The following CNOT1 variants were observed in gnomAD, a reference collection of about 807,000 sequenced individuals.
CNOT1 encodes the protein CCR4-NOT transcription complex subunit 1, also known as CCR4-associated factor 1.
CNOT1 carries 15 observed loss-of-function variants against 273.8 expected under a neutral mutation model. The ratio of observed to expected loss-of-function variants is 0.05; its 90% CI spans 0.04 to 0.08. CNOT1 has a LOEUF of 0.08. Ranked by LOEUF, CNOT1 falls within the 10% of genes least tolerant of loss-of-function variation. The probability of loss-of-function intolerance (pLI) is 1.00; values close to 1 mark genes in which losing one functional copy is unlikely to be tolerated. For missense variants in CNOT1, 1,644 were observed against 2,912.2 expected, an observed-to-expected ratio of 0.56 and a Z score of 10.02; for synonymous variants, 1,022 against 1,005.5, an observed-to-expected ratio of 1.02 and a Z score of -0.31.
intron 35 of CNOT1, among the ~76,000 whole-genome samples, chr16:58,539,480 C>CACACACAG (rs1555494956): frequency 1.3e-5 from 2 of 148,584 alleles, no homozygotes; most frequent in Non-Finnish European, 1.5e-5. Flanking sequence ...CACACACACA[C>CACACACAG]ACACACACAC....
rs1207899487 is a variant in CNOT1 at position 58,547,961 on chromosome 16, C to G, written c.3523-279G>C. Among the ~76,000 whole-genome samples, 1 of 152,130 alleles carries G rather than the reference C, an allele frequency of 6.6e-6. No homozygotes were observed. The highest frequency in any genetic ancestry group is 1.5e-5 in the Non-Finnish European group (1 of 68,016). ...TTCAAAAAGAACACAAAGTTATGTGCCAGCTATCCTCCCCTAGAAAAGTAT... is the reference window on the plus strand; with the variant it reads ...TTCAAAAAGAACACAAAGTTATGTGGCAGCTATCCTCCCCTAGAAAAGTAT... On this transcript the variant is annotated intron_variant, in intron 25 of 48. Coordinates refer to ENST00000317147, the MANE Select transcript of CNOT1 (RefSeq NM_016284.5). This position sits in a 1 kb window ranked among gnomAD's most constrained non-coding sequence, Gnocchi z 4.0.
rs1231565480 is a variant in CNOT1 at position 58,525,813 on chromosome 16, G to A, written c.6603+176C>T. 2.0e-5 allele frequency among the ~76,000 whole-genome samples: 3 copies of A among 152,298 alleles called. No homozygotes were observed. In the East Asian group the frequency reaches 5.8e-4, roughly 29 times the overall value. On this transcript the variant is annotated intron_variant, in intron 45 of 48. Transcript: ENST00000317147. ...TAGTGCTGTCTTGTCCAAAGCTGTA[G>A]CAAAATATCACTGATTAAATGAACT... is the stretch of plus-strand genomic sequence containing the variant.
intron 8 of CNOT1, 70 bp from the exon 9 acceptor site, chr16:58,583,252 A>G: frequency 6.3e-7 from 1 of 1,585,164 alleles, no homozygotes; most frequent in Non-Finnish European, 8.6e-7. Flanking sequence ...TTCTGGCATT[A>G]AATGAACCTT....
intron 17 of CNOT1, among the ~76,000 whole-genome samples, chr16:58,559,640 C>T (rs2040762146): frequency 6.6e-6 from 1 of 152,164 alleles, no homozygotes; most frequent in South Asian, 2.1e-4. Flanking sequence ...TAGAAAATGA[C>T]AAGCAAATGC....
intron 17 of CNOT1, chr16:58,559,778 G>A: frequency 2.0e-6 from 1 of 508,016 alleles, no homozygotes. Context: ...GGGGGTGGTT[G>A]ATGTCAGGGA....
intron 16 of CNOT1, among the ~76,000 whole-genome samples, chr16:58,562,374 C>G (rs977688850): frequency 6.6e-6 from 1 of 151,634 alleles, no homozygotes; most frequent in African/African-American, 2.4e-5. Context: ...TGTGGTGGCA[C>G]ATGCCTGTAG....
At chr16:58,600,438 G>T (rs571829993) in intron 1 of CNOT1, among the ~76,000 whole-genome samples, 2 of 152,266 alleles carry the variant, frequency 1.3e-5, no homozygotes, top group African/African-American at 4.8e-5. Context: ...ATACCCTTTG[G>T]AAGCAGCAAG....
intron 16 of CNOT1, among the ~76,000 whole-genome samples, chr16:58,563,067 T>C (rs1597465398): frequency 6.6e-6 from 1 of 152,112 alleles, no homozygotes; most frequent in Admixed American, 6.5e-5. Context: ...AAAATAACAA[T>C]AGTCTGAACA....
At position 58,520,903 on chromosome 16, in the gene CNOT1, A is replaced by G; in HGVS notation, c.*55T>C. On this transcript the variant is annotated 3_prime_UTR_variant, in exon 49 of 49. Transcript: ENST00000317147. ...GAAAGGATTCTTCAGTCAGTTTATG[A>G]ACTCGGTGCAGTGAGACCTCTAGAC... The G allele has an allele frequency of 6.4e-7, 1 of 1,551,684 alleles. No homozygotes were observed.
In CNOT1 at chr16:58,580,769, A is replaced by T. The variant is rs1229522822; in HGVS notation, c.1216-9T>A. On this transcript the variant is annotated splice_polypyrimidine_tract_variant and intron_variant, in intron 11 of 48. Transcript: ENST00000317147. ...TGTTGAATGAAGGAGAGCTGCAATG[A>T]AAGAAAATGCTTACCACCATAAATG... 2.5e-6 allele frequency: 4 copies of T among 1,604,284 alleles called. No individual in the cohort carries two copies. Among genetic ancestry groups the T allele is most frequent in the African/African-American group, 1.3e-5 (1 of 74,604 alleles).
chr16:58,527,271 C>T (rs370873382), intron 44 of CNOT1, among the ~76,000 whole-genome samples: 173 of 152,166 alleles, frequency 1.1e-3, no homozygotes, highest in African/African-American at 4.1e-3. Context: ...TGCCTGTAAT[C>T]CCAGCATTTT....
At chr16:58,571,976 T>C (rs1305576071) in intron 16 of CNOT1, among the ~76,000 whole-genome samples, 1 of 148,406 alleles carries the variant, frequency 6.7e-6, no homozygotes, top group Non-Finnish European at 1.5e-5. Context: ...CTCAGAAAAA[T>C]AAAAAATTAA....
intron 1 of CNOT1, among the ~76,000 whole-genome samples, chr16:58,624,034 C>G (rs2043458266): frequency 6.6e-6 from 1 of 151,780 alleles, no homozygotes; most frequent in African/African-American, 2.4e-5. Flanking sequence ...TCTACATAAG[C>G]CACTCTAGCA....
intron 1 of CNOT1, among the ~76,000 whole-genome samples, chr16:58,604,517 C>G (rs1022721083): frequency 6.6e-6 from 1 of 151,542 alleles, no homozygotes; most frequent in Non-Finnish European, 1.5e-5. Flanking sequence ...CGCGGTGGCT[C>G]ATGCCTGTAA....
chr16:58,539,814 G>A lies in CNOT1; in HGVS notation c.4946C>T (p.Ser1649Phe). 6.2e-7 allele frequency: 1 copy of A among 1,614,076 alleles called. No homozygotes were observed. The highest frequency in any genetic ancestry group is 1.1e-5 in the South Asian group (1 of 91,050). ...LRSLLEVVVL[S>F]RNSRDAIAAL... ...AGCTATGGCATCCCGAGAGTTTCGA[G>A]ATAAAACTACAACCTCCAAGAGACT... The change falls in exon 35 of 49, where the codon TCT becomes TTT. Residue 1649 changes from serine (S) to phenylalanine (F), a missense_variant. By Grantham distance (155) the Ser-to-Phe change is radical (BLOSUM62 -2). This residue lies in a region of CNOT1 where 170 missense variants were observed against 273.1 expected (regional missense o/e 0.62). Transcript: ENST00000317147.
chr16:58,544,102 A>C (rs1358294884), intron 30 of CNOT1, among the ~76,000 whole-genome samples, 199 bp from the exon 31 acceptor site: 1 of 152,232 alleles, frequency 6.6e-6, no homozygotes, highest in Non-Finnish European at 1.5e-5. Context: ...CCTGTGATAC[A>C]CAATAATAGA....
In CNOT1 at chr16:58,525,362, T is replaced by G. The variant is rs751623396; in HGVS notation, c.6604-3A>C. On this transcript the variant is annotated splice_region_variant and splice_polypyrimidine_tract_variant and intron_variant, in intron 45 of 48. Coordinates refer to ENST00000317147, the MANE Select transcript of CNOT1 (RefSeq NM_016284.5). ...CGATTCCCAGGTTCATTGGATACCTTAAAATGAGCAAAACAGAACTCCTTA... is the reference window on the plus strand; with the variant it reads ...CGATTCCCAGGTTCATTGGATACCTGAAAATGAGCAAAACAGAACTCCTTA... The G allele has an allele frequency of 1.2e-6, 2 of 1,612,532 alleles. No homozygotes were observed. Among genetic ancestry groups the G allele is most frequent in the Non-Finnish European group, 1.7e-6 (2 of 1,179,752 alleles).
chr16:58,583,530 G>A (rs2041723423), intron 8 of CNOT1, among the ~76,000 whole-genome samples: 1 of 152,148 alleles, frequency 6.6e-6, no homozygotes, highest in African/African-American at 2.4e-5. Context: ...ATCAGTCTGT[G>A]GCCTGTTAGA....
intron 1 of CNOT1, among the ~76,000 whole-genome samples, chr16:58,600,397 C>G (rs1333295311): frequency 6.6e-6 from 1 of 152,162 alleles, no homozygotes; most frequent in Non-Finnish European, 1.5e-5. Flanking sequence ...CTTAAGATTT[C>G]TATTTTACCT....
Sources: allele counts gnomAD v4.1 joint callset (sites outside exome capture counted in the v4.1 genomes callset), GRCh38; gene constraint gnomAD v4.1.1; regional missense constraint gnomAD v4.1.1; non-coding constraint Gnocchi (gnomAD v3.1); transcripts MANE v1.5; gene names NCBI Gene and HGNC (gene_info 2026-07-23, HGNC 2026-07-21).